Variants in TMEM176B observed in about 807,000 individuals in gnomAD.
TMEM176B encodes transmembrane protein 176B.
A neutral mutation model predicts 30.3 loss-of-function variants in TMEM176B; 28 were observed. The observed-to-expected ratio is 0.92, with a 90% CI of 0.68 to 1.27. The LOEUF (loss-of-function observed/expected upper bound fraction) is 1.27. Ranked by LOEUF, TMEM176B falls within the 50% of genes most tolerant of loss-of-function variation. The pLI, the probability that TMEM176B is intolerant of heterozygous loss-of-function variation, is 0.00. For synonymous variants in TMEM176B, 123 were observed against 130.3 expected, an observed-to-expected ratio of 0.94 and a Z score of 0.38; for missense variants, 349 against 327.4, an observed-to-expected ratio of 1.07 and a Z score of -0.51.
chr7:150,791,563 T>C lies in TMEM176B; in HGVS notation c.781A>G (p.Arg261Gly). Residue 261 changes from arginine to glycine, a missense_variant, in exon 7 of 7, where the codon AGG (arginine) becomes GGG (glycine). Physicochemically the swap from Arg to Gly is moderately radical, Grantham distance 125 (BLOSUM62 -2). Transcript: ENST00000326442. ...ACAATGGCAGTGGAGGTCTGCTCCC[T>C]AGAGGGCGAAGGGGGCACTGAATTC... Reference protein sequence around the residue: ...GENSVPPSPSREQTSTAIVL With the variant: ...GENSVPPSPSGEQTSTAIVL 1 of 1,613,924 alleles carries C rather than the reference T, an allele frequency of 6.2e-7. No homozygotes were observed. The highest frequency in any genetic ancestry group is 8.5e-7 in the Non-Finnish European group (1 of 1,179,968).
chr7:150,793,430 C>G lies in TMEM176B; in HGVS notation c.372+114G>C, dbSNP rs1798396990. 2.0e-6 allele frequency: 3 copies of G among 1,515,878 alleles called. No individual in the cohort carries two copies. The South Asian group carries it at 3.5e-5, about 18-fold the overall frequency. 93.9% of individuals were successfully genotyped at this position (1,515,878 alleles called of 1,614,324 possible). A position where few individuals can be genotyped will look rare whatever the true frequency, so the allele number is the denominator to read the frequency against. On this transcript the variant is annotated intron_variant, in intron 4 of 6. Transcript: ENST00000326442. ...GCCCTTGTCCAGGAAACCCTCTCCT[C>G]CCCTCCAAGAAAGACCCCAAGATAT...
chr7:150,793,996 T>G lies in TMEM176B; in HGVS notation c.280A>C (p.Ser94Arg), dbSNP rs3173833. The change falls in exon 3 of 7, where the codon AGT becomes CGT. Residue 94 changes from serine to arginine, a missense_variant. Physicochemically the swap from Ser to Arg is moderately radical, Grantham distance 110 (BLOSUM62 -1). Transcript: ENST00000326442. ...GCCCAGAAGGCACAGCCTGAGGCACTCAGCACAGTCCAGGGCCCCAAGCTG... is the reference window on the plus strand; with the variant it reads ...GCCCAGAAGGCACAGCCTGAGGCACGCAGCACAGTCCAGGGCCCCAAGCTG... ...CLSLGPWTVL[S>R]ASGCAFWAGS... 917,264 of 1,612,734 alleles carry G rather than the reference T, an allele frequency of 0.57. 262,264 individuals are homozygous for G. Among genetic ancestry groups the G allele is most frequent in the East Asian group, 0.64 (28,861 of 44,796 alleles).
At chr7:150,797,930 A>G (rs1563039669) in intron 1 of TMEM176B, among the ~76,000 whole-genome samples, 1 of 152,184 alleles carries the variant, frequency 6.6e-6, no homozygotes, top group African/African-American at 2.4e-5. Flanking sequence ...ATTTTAGTAG[A>G]TATTGTCAGT....
At chr7:150,799,828 G>T (rs979338824) in intron 1 of TMEM176B, among the ~76,000 whole-genome samples, 3 of 151,944 alleles carry the variant, frequency 2.0e-5, no homozygotes, top group Admixed American at 6.6e-5. Flanking sequence ...CCTCGCCCCC[G>T]CCTGAAGAGT....
At chr7:150,799,616 C>T (rs1347513923) in intron 1 of TMEM176B, among the ~76,000 whole-genome samples, 1 of 152,252 alleles carries the variant, frequency 6.6e-6, no homozygotes, top group East Asian at 1.9e-4. Flanking sequence ...CCCACCTGGC[C>T]TCCTTGGGGT....
At position 150,795,664 on chromosome 7, in the gene TMEM176B, C is replaced by T. The variant is rs186328097; in HGVS notation, c.204+702G>A. Among the ~76,000 whole-genome samples, 6 of 152,342 alleles carry T rather than the reference C, an allele frequency of 3.9e-5. No homozygotes were observed. The East Asian group carries it at 1.2e-3, about 29-fold the overall frequency. On this transcript the variant is annotated intron_variant, in intron 2 of 6. Transcript: ENST00000326442. ...GGGTCAATAAAACCGAATTAACAGCCTCTAGACTGTTCTTCCTGTTGCCCT... is the reference window on the plus strand; with the variant it reads ...GGGTCAATAAAACCGAATTAACAGCTTCTAGACTGTTCTTCCTGTTGCCCT...
chr7:150,795,164 G>C (rs1403547644), intron 2 of TMEM176B, among the ~76,000 whole-genome samples: 1 of 152,046 alleles, frequency 6.6e-6, no homozygotes. Context: ...TTCTCACCTG[G>C]ATGCCTCCTG....
intron 1 of TMEM176B, among the ~76,000 whole-genome samples, chr7:150,799,539 A>G (rs1261778984): frequency 1.3e-5 from 2 of 152,266 alleles, no homozygotes. Flanking sequence ...ATCAAATATT[A>G]TTAACAATTC....
At chr7:150,795,947 CA>C (rs1277551814) in intron 2 of TMEM176B, among the ~76,000 whole-genome samples, 2 of 152,108 alleles carry the variant, frequency 1.3e-5, no homozygotes, top group Non-Finnish European at 2.9e-5. Flanking sequence ...GTCGAGAGGC[CA>C]GGGGCAAAAA....
upstream of TMEM176B, chr7:150,800,408 C>A (rs115946508): frequency 0.086 from 13,137 of 152,116 alleles, 664 homozygotes; most frequent in Non-Finnish European, 0.11. Flanking sequence ...GCTGCGGCCC[C>A]GCCCAGGCTG....
chr7:150,793,732 A>G, intron 3 of TMEM176B, 132 bp from the exon 4 acceptor site: 2 of 1,032,142 alleles, frequency 1.9e-6, no homozygotes, highest in Non-Finnish European at 2.9e-6. Context: ...ACTCTGACAC[A>G]CAGACCAGGA....
At chr7:150,794,873 C>A (rs1360367712) in intron 2 of TMEM176B, among the ~76,000 whole-genome samples, 1 of 151,182 alleles carries the variant, frequency 6.6e-6, no homozygotes, top group East Asian at 2.0e-4. Flanking sequence ...ATCCTACCAG[C>A]ATCTCGGATT....
At chr7:150,792,681 C>T (rs1798361687) in intron 5 of TMEM176B, among the ~76,000 whole-genome samples, 1 of 152,212 alleles carries the variant, frequency 6.6e-6, no homozygotes, top group African/African-American at 2.4e-5. Flanking sequence ...CCCCATCTGA[C>T]TGTAACTGCA....
chr7:150,794,487 G>A (rs578196419), intron 2 of TMEM176B, among the ~76,000 whole-genome samples: 2 of 152,026 alleles, frequency 1.3e-5, no homozygotes, highest in African/African-American at 4.8e-5. Flanking sequence ...AAGAAGTGCC[G>A]CTGAGACCTC....
chr7:150,793,037 G>C (rs775017697), intron 5 of TMEM176B, 51 bp downstream of exon 5: 7 of 1,587,814 alleles, frequency 4.4e-6, no homozygotes, highest in Non-Finnish European at 6.0e-6. Context: ...CCAGCTCCCT[G>C]GGAAAAAAGA....
In TMEM176B at chr7:150,792,990, A is replaced by G; in HGVS notation, c.600+98T>C. On this transcript the variant is annotated intron_variant, in intron 5 of 6. Transcript: ENST00000326442. ...GAATGAAAGACCCAGCATGAAGTCC[A>G]AGCTCAAAGAGCCTACATCTCTGTC... 11 of 1,196,302 alleles carry G rather than the reference A, an allele frequency of 9.2e-6. No individual in the cohort carries two copies. In the South Asian group the frequency reaches 1.4e-4, roughly 15 times the overall value. 74.1% of individuals were successfully genotyped at this position (1,196,302 alleles called of 1,614,324 possible).
At chr7:150,798,728 T>C (rs1314587895) in intron 1 of TMEM176B, among the ~76,000 whole-genome samples, 3 of 152,304 alleles carry the variant, frequency 2.0e-5, no homozygotes, top group South Asian at 2.1e-4. Context: ...TCTCTTATTA[T>C]GAGTGAGGTT....
chr7:150,791,999 C>T (rs1798329875), intron 6 of TMEM176B, 57 bp downstream of exon 6: 4 of 1,609,110 alleles, frequency 2.5e-6, no homozygotes, highest in Non-Finnish European at 3.4e-6. Flanking sequence ...TCCTACCTGT[C>T]CCACACACTC....
intron 1 of TMEM176B, among the ~76,000 whole-genome samples, chr7:150,799,092 T>A (rs534048539): frequency 6.6e-6 from 1 of 152,360 alleles, no homozygotes; most frequent in African/African-American, 2.4e-5. Context: ...ATGCCGACCA[T>A]CTGGAATTTG....
Sources: gnomAD v4.1 joint callset for allele counts (sites outside exome capture counted in the v4.1 genomes callset) on GRCh38, gnomAD v4.1.1 for gene constraint, MANE v1.5 for transcripts, NCBI Gene and HGNC (gene_info 2026-07-23, HGNC 2026-07-21) for gene names.